LINGO2: variants seen among roughly 807,000 people sequenced by gnomAD.
LINGO2 encodes the protein leucine rich repeat and Ig domain containing 2, also known as leucine-rich repeat and immunoglobulin-like domain-containing nogo receptor-interacting protein 2.
A neutral mutation model predicts 30.6 loss-of-function variants in LINGO2; 14 were observed. The ratio of observed to expected loss-of-function variants is 0.46; its 90% CI spans 0.30 to 0.72. The LOEUF (loss-of-function observed/expected upper bound fraction) is 0.72. Ranked by LOEUF, LINGO2 falls within the 30% of genes least tolerant of loss-of-function variation. The pLI, the probability that LINGO2 is intolerant of heterozygous loss-of-function variation, is 0.07. For synonymous variants in LINGO2, 317 were observed against 288.5 expected (o/e 1.10, Z -1.00); for missense variants, 729 against 751.7 (o/e 0.97, Z 0.35).
At chr9:28,181,574 T>A (rs1256807662) in intron 4 of LINGO2, among the ~76,000 whole-genome samples, 1 of 152,148 alleles carries the variant, frequency 6.6e-6, no homozygotes, top group South Asian at 2.1e-4. Flanking sequence ...AGGATGCACA[T>A]TCAAGTTTGA....
the LINGO2 span, among the ~76,000 whole-genome samples, chr9:28,737,491 G>T: frequency 1.7e-4 from 26 of 152,130 alleles, no homozygotes; most frequent in African/African-American, 6.3e-4. Context: ...TTAACTTTGT[G>T]ATCCCCATTT....
At chr9:29,175,521 GATT>G in the LINGO2 span, among the ~76,000 whole-genome samples, 28 of 132,696 alleles carry the variant, frequency 2.1e-4, no homozygotes, top group South Asian at 5.6e-3. Flanking sequence ...GTATCTCCGA[GATT>G]TTTTTTTTTT....
At chr9:28,079,460 A>G (rs900535902) in intron 4 of LINGO2, among the ~76,000 whole-genome samples, 6 of 152,228 alleles carry the variant, frequency 3.9e-5, no homozygotes. Context: ...ATAACTAACA[A>G]TGCTCTTTAC....
chr9:28,560,630 C>T (rs928769727), intron 1 of LINGO2, among the ~76,000 whole-genome samples: 2 of 151,854 alleles, frequency 1.3e-5, no homozygotes, highest in Non-Finnish European at 1.5e-5. Context: ...AGTCTTTATG[C>T]CACACTGTTT....
chr9:28,980,973 T>C, the LINGO2 span, among the ~76,000 whole-genome samples: 33 of 152,200 alleles, frequency 2.2e-4, no homozygotes, highest in South Asian at 5.6e-3. Flanking sequence ...TTGAATAAAG[T>C]AATTATTGAG....
chr9:28,693,447 G>T, the LINGO2 span, among the ~76,000 whole-genome samples: 1 of 152,056 alleles, frequency 6.6e-6, no homozygotes, highest in African/African-American at 2.4e-5. Flanking sequence ...GGGATTTTAA[G>T]AGGCCATTAT....
At chr9:28,012,287 G>A (rs1396666770) in intron 5 of LINGO2, 1 of 152,112 alleles carries the variant, frequency 6.6e-6, no homozygotes, top group Non-Finnish European at 1.5e-5. Flanking sequence ...AGAGGAGCTG[G>A]TCTCATGAGG....
chr9:28,062,558 AT>A (rs1329326439), intron 4 of LINGO2, among the ~76,000 whole-genome samples: 2 of 146,620 alleles, frequency 1.4e-5, no homozygotes, highest in African/African-American at 5.0e-5. Flanking sequence ...TTGTATATAC[AT>A]ATATAGTATA....
chr9:28,515,974 T>G (rs1587791494), intron 1 of LINGO2, among the ~76,000 whole-genome samples: 1 of 152,164 alleles, frequency 6.6e-6, no homozygotes, highest in Non-Finnish European at 1.5e-5. Flanking sequence ...ACCACTCTGA[T>G]CAGTCAGCGG....
chr9:28,878,146 T>C, the LINGO2 span, among the ~76,000 whole-genome samples: 5 of 147,408 alleles, frequency 3.4e-5, 1 homozygote, highest in Non-Finnish European at 7.6e-5. Flanking sequence ...TAAAAAATGA[T>C]AAAGGGGATA....
intron 1 of LINGO2, among the ~76,000 whole-genome samples, chr9:28,480,890 C>T (rs1825936180): frequency 6.6e-6 from 1 of 152,070 alleles, no homozygotes; most frequent in African/African-American, 2.4e-5. Flanking sequence ...TCTATGGCTC[C>T]AACCACCTCT....
At chr9:28,772,099 T>C in the LINGO2 span, among the ~76,000 whole-genome samples, 6 of 152,142 alleles carry the variant, frequency 3.9e-5, no homozygotes, top group Admixed American at 6.6e-5. Flanking sequence ...TCCCCGAACA[T>C]CTAGATATGA....
chr9:28,067,559 G>T (rs945326076), intron 4 of LINGO2, among the ~76,000 whole-genome samples: 3 of 152,094 alleles, frequency 2.0e-5, no homozygotes, highest in East Asian at 3.9e-4. Context: ...GATGTACTTT[G>T]CCTCTGGAAG....
intron 3 of LINGO2, among the ~76,000 whole-genome samples, chr9:28,313,841 C>T (rs1001661554): frequency 2.0e-5 from 3 of 152,154 alleles, no homozygotes; most frequent in African/African-American, 7.2e-5. Flanking sequence ...GTATGTGTCT[C>T]TGAAGGGTTC....
chr9:28,426,175 A>G (rs1823402660), intron 2 of LINGO2, among the ~76,000 whole-genome samples: 1 of 152,062 alleles, frequency 6.6e-6, no homozygotes. Flanking sequence ...GCTACAATAC[A>G]ACGACAATAA....
chr9:28,463,419 A>G (rs536628815), intron 2 of LINGO2, among the ~76,000 whole-genome samples: 3 of 152,100 alleles, frequency 2.0e-5, no homozygotes, highest in Non-Finnish European at 4.4e-5. Flanking sequence ...TGGGATGAAG[A>G]AAAATGAGAA....
chr9:28,682,424 C>T, the LINGO2 span, among the ~76,000 whole-genome samples: 1 of 152,114 alleles, frequency 6.6e-6, no homozygotes, highest in African/African-American at 2.4e-5. Context: ...GGGGTCATAA[C>T]CAAAGTCTTG....
At chr9:28,418,494 G>T (rs751186079) in intron 2 of LINGO2, among the ~76,000 whole-genome samples, 1 of 151,902 alleles carries the variant, frequency 6.6e-6, no homozygotes, top group Non-Finnish European at 1.5e-5. Flanking sequence ...GGCCAGGCTG[G>T]TCTCGAACTC....
At chr9:28,955,706 T>C in the LINGO2 span, among the ~76,000 whole-genome samples, 2 of 152,158 alleles carry the variant, frequency 1.3e-5, no homozygotes, top group South Asian at 4.1e-4. Context: ...ACTAAACATA[T>C]AATTTTCCCT....
Sources: gnomAD v4.1 joint callset for allele counts (sites outside exome capture counted in the v4.1 genomes callset) on GRCh38, gnomAD v4.1.1 for gene constraint, MANE v1.5 for transcripts, NCBI Gene and HGNC (gene_info 2026-07-23, HGNC 2026-07-21) for gene names.